The following COL5A3 variants were observed in gnomAD, a reference collection of about 807,000 sequenced individuals.
COL5A3 encodes collagen alpha-3(V) chain.
Under a neutral mutation model 250.0 loss-of-function variants are expected in COL5A3, and 172 were observed. That is an observed-to-expected ratio of 0.69 (90% confidence interval 0.61 to 0.78). The LOEUF (loss-of-function observed/expected upper bound fraction) is 0.78. Among genes scored for constraint, COL5A3 ranks in the 30% least tolerant of loss-of-function variants. COL5A3 has a pLI of 0.00. For synonymous variants in COL5A3, 937 were observed against 900.4 expected (o/e 1.04, Z -0.73); for missense variants, 2,340 against 2,334.4 (o/e 1.00, Z -0.05).
At chr19:9,982,269 C>T (rs2087022256) in intron 31 of COL5A3, 151 bp from the exon 32 acceptor site, 2 of 581,242 alleles carry the variant, frequency 3.4e-6, no homozygotes, top group Admixed American at 3.6e-5. Flanking sequence ...CAAGGCAGCC[C>T]TCTTCTCTCC....
chr19:9,984,429 C>T (rs1037926833), intron 31 of COL5A3, among the ~76,000 whole-genome samples: 5 of 152,126 alleles, frequency 3.3e-5, no homozygotes, highest in Non-Finnish European at 2.9e-5. Context: ...TGTCCTCACC[C>T]ATCAAAACAT....
chr19:9,995,926 G>A (rs758546889), intron 15 of COL5A3, 140 bp downstream of exon 15: 24 of 894,376 alleles, frequency 2.7e-5, no homozygotes, highest in Middle Eastern at 2.3e-4. Context: ...TTCCAGATGT[G>A]AGCCACCATT....
rs549112963 is a variant in COL5A3 at position 9,992,751 on chromosome 19, T to C, written c.1848+76A>G. 2.8e-4 allele frequency: 408 copies of C among 1,470,692 alleles called. 1 individual carries two copies. Among genetic ancestry groups the C allele is most frequent in the Non-Finnish European group, 5.3e-5 (56 of 1,061,762 alleles). 91.1% of individuals were successfully genotyped at this position (1,470,692 alleles called of 1,614,324 possible). A position where few individuals can be genotyped will look rare whatever the true frequency, so the allele number is the denominator to read the frequency against. Reference sequence around the variant, plus strand: ...GAGATCTCGCCACCGCACTCCAGCCTGGGCGACAGAGCGAGACCCTAATCT... The same window carrying C: ...GAGATCTCGCCACCGCACTCCAGCCCGGGCGACAGAGCGAGACCCTAATCT... On this transcript the variant is annotated intron_variant, in intron 21 of 66. Coordinates refer to ENST00000264828, the MANE Select transcript of COL5A3 (RefSeq NM_015719.4).
At chr19:9,993,175 C>G (rs1210816908) in intron 19 of COL5A3, 108 bp from the exon 20 acceptor site, 3 of 1,257,478 alleles carry the variant, frequency 2.4e-6, no homozygotes, top group Non-Finnish European at 3.4e-6. Flanking sequence ...AGACCAGGAT[C>G]CCTGGGAACC....
At chr19:9,982,978 C>T (rs1382241481) in intron 31 of COL5A3, among the ~76,000 whole-genome samples, 1 of 152,102 alleles carries the variant, frequency 6.6e-6, no homozygotes, top group African/African-American at 2.4e-5. Context: ...ACCTCAACCT[C>T]CTGAATAGCT....
intron 41 of COL5A3, 85 bp downstream of exon 41, chr19:9,978,489 G>A (rs753748895): frequency 1.1e-6 from 1 of 906,400 alleles, no homozygotes; most frequent in Non-Finnish European, 1.8e-6. Flanking sequence ...CTCCATCATG[G>A]GTTTTATCAT....
chr19:9,963,561 T>TTTGG (rs1555733032), intron 64 of COL5A3, among the ~76,000 whole-genome samples: 1 of 40,120 alleles, frequency 2.5e-5, no homozygotes, highest in Non-Finnish European at 5.2e-5. Context: ...CTGTTTTTTT[T>TTTGG]GGGGGGGGGG....
intron 8 of COL5A3, among the ~76,000 whole-genome samples, chr19:9,999,505 G>A (rs1479007738): frequency 5.0e-5 from 6 of 119,714 alleles, no homozygotes; most frequent in African/African-American, 1.4e-4. Context: ...TCTCCCTCTC[G>A]CGCCCAGGCT....
At chr19:9,999,469 C>CTTTTTTTTTT (rs530527039) in intron 8 of COL5A3, among the ~76,000 whole-genome samples, 31 of 120,398 alleles carry the variant, frequency 2.6e-4, no homozygotes, top group African/African-American at 6.8e-4. Context: ...TTTCTTTTTT[C>CTTTTTTTTTT]TTTTTTTTTT....
At chr19:9,998,834 G>A (rs139221923) in intron 8 of COL5A3, among the ~76,000 whole-genome samples, 61 of 151,278 alleles carry the variant, frequency 4.0e-4, no homozygotes, top group Middle Eastern at 3.4e-3. Flanking sequence ...ACAGGTGCCC[G>A]CCAACACGCC....
At chr19:9,963,198 C>T (rs2086694961) in intron 64 of COL5A3, among the ~76,000 whole-genome samples, 1 of 152,128 alleles carries the variant, frequency 6.6e-6, no homozygotes, top group South Asian at 2.1e-4. Flanking sequence ...TCTGGGTCTC[C>T]AATGGCACCA....
Position 9,974,341 on chromosome 19 carries a change from A to C in COL5A3, c.3410T>G (p.Val1137Gly). 1 of 1,611,162 alleles carries C rather than the reference A, an allele frequency of 6.2e-7. No individual in the cohort carries two copies. The highest frequency in any genetic ancestry group is 1.1e-5 in the South Asian group (1 of 90,596). Residue 1137 changes from valine to glycine, a missense_variant, in exon 46 of 67, where the codon GTC (valine) becomes GGC (glycine). Physicochemically the swap from Val to Gly is moderately radical, Grantham distance 109. Transcript: ENST00000264828. ...GCCAATCACCCCCACAAAGCCTCTG[A>C]CTCCGTCATCTCCTTTCTGCCCAAA... ...GLFGQKGDDG[V>G]RGFVGVIGPP... is the part of the protein sequence containing the mutation.
chr19:9,975,628 CA>C (rs1396186686), intron 45 of COL5A3, among the ~76,000 whole-genome samples: 3 of 147,932 alleles, frequency 2.0e-5, no homozygotes, highest in African/African-American at 7.5e-5. Context: ...GAGATTGAGC[CA>C]AATTCTGGGG....
In COL5A3 at chr19:10,010,489, G is replaced by A. The variant is rs1349859815; in HGVS notation, c.-104C>T. The A allele has an allele frequency of 6.9e-6, 5 of 721,506 alleles. No homozygotes were observed. The Admixed American group carries it at 1.7e-4, about 25-fold the overall frequency. The allele number at this position is 721,506 out of a possible 1,614,324, so 44.7% of individuals were successfully genotyped here. ...TCACTCGCGGCGGCCGCTCCTCTCA[G>A]GGTCCGCGGGAAACTGCCCGAGACC... On this transcript the variant is annotated 5_prime_UTR_variant, in exon 1 of 67. Coordinates refer to ENST00000264828, the MANE Select transcript of COL5A3 (RefSeq NM_015719.4).
rs143377606 is a variant in COL5A3, at chr19:10,003,686, C to T, written c.728G>A (p.Arg243His). ...TTTTCCCTTCCCCTTCCGCCGAGGA[C>T]GAGGGGTTTCTGGTTCACCCTGGGG... ...VAPQGEPETP[R>H]PRRKGKGKGR... Residue 243 changes from arginine (R) to histidine (H), a missense_variant, in exon 6 of 67, where the codon CGT (arginine) becomes CAT (histidine). Physicochemically the swap from Arg to His is conservative, Grantham distance 29 (BLOSUM62 0). Coordinates refer to ENST00000264828, the MANE Select transcript of COL5A3 (RefSeq NM_015719.4). 1.8e-4 allele frequency: 297 copies of T among 1,614,116 alleles called. 2 individuals are homozygous for T. In the East Asian group the frequency reaches 5.6e-3, roughly 30 times the overall value.
At position 9,999,517 on chromosome 19, in the gene COL5A3, A is replaced by G. The variant is rs1248063553; in HGVS notation, c.1111-1368T>C. Among the ~76,000 whole-genome samples, 6 of 134,720 alleles carry G rather than the reference A, an allele frequency of 4.5e-5. No homozygotes were observed. The East Asian group carries it at 8.6e-4, about 19-fold the overall frequency. The allele number at this position is 134,720 out of a possible 152,430, so 88.4% of individuals were successfully genotyped here. A position where few individuals can be genotyped will look rare whatever the true frequency, so the allele number is the denominator to read the frequency against. On this transcript the variant is annotated intron_variant, in intron 8 of 66. Transcript: ENST00000264828. ...GAGTCTCCCTCTCGCGCCCAGGCTG[A>G]AGTGCAGTGGCGTGGTCTCGGCTTG...
At position 9,979,255 on chromosome 19, in the gene COL5A3, G is replaced by C. The variant is rs764458879; in HGVS notation, c.2767-16C>G. The C allele has an allele frequency of 5.0e-6, 8 of 1,604,432 alleles. No individual in the cohort carries two copies. In the Admixed American group the frequency reaches 1.2e-4, roughly 24 times the overall value. ...CTGTCTTTCCCTGGTGAGGAAGAAGGCTCCTGTTGAGTGGGGGTGGCCTAG... is the reference window on the plus strand; with the variant it reads ...CTGTCTTTCCCTGGTGAGGAAGAAGCCTCCTGTTGAGTGGGGGTGGCCTAG... On this transcript the variant is annotated splice_polypyrimidine_tract_variant and intron_variant, in intron 38 of 66. Transcript: ENST00000264828.
rs1203302974 is a variant in COL5A3 at position 9,968,629 on chromosome 19, AAG to A, written c.4206+44_4206+45del. On this transcript the variant is annotated intron_variant, in intron 58 of 66. Transcript: ENST00000264828. The surrounding 1 kb of genome is among the most constrained non-coding windows in gnomAD (Gnocchi z 4.1). ...AGCCCCCCAGCCAGGGAGGGAGGGA[AAG>A]AGGGGAGGAGATGGGGAAGAGAATA... 2.5e-6 allele frequency: 4 copies of A among 1,598,898 alleles called. No homozygotes were observed. Among genetic ancestry groups the A allele is most frequent in the South Asian group, 2.2e-5 (2 of 90,364 alleles).
At chr19:10,006,341 C>T (rs1003274886) in intron 1 of COL5A3, 110 bp from the exon 2 acceptor site, 3 of 1,088,150 alleles carry the variant, frequency 2.8e-6, no homozygotes, top group African/African-American at 3.2e-5. Context: ...CAGCCTCTCC[C>T]TCCCTCCCAC....
Sources: allele counts gnomAD v4.1 joint callset (sites outside exome capture counted in the v4.1 genomes callset), GRCh38; gene constraint gnomAD v4.1.1; non-coding constraint Gnocchi (gnomAD v3.1); transcripts MANE v1.5; gene names NCBI Gene and HGNC (gene_info 2026-07-23, HGNC 2026-07-21).